Variants in DSG1 observed in about 807,000 individuals in gnomAD.
DSG1 encodes desmoglein 1.
DSG1 carries 39 observed loss-of-function variants against 97.5 expected under a neutral mutation model. That is an observed-to-expected ratio of 0.40 (90% CI 0.31 to 0.52). DSG1 has a LOEUF of 0.52. DSG1 is among the 20% of genes least tolerant of loss of function. The pLI, the probability that DSG1 is intolerant of heterozygous loss-of-function variation, is 0.53. For missense variants in DSG1, 1,311 were observed against 1,295.4 expected (o/e 1.01, Z -0.18); for synonymous variants, 475 against 443.4 (o/e 1.07, Z -0.90).
Position 31,355,376 on chromosome 18 carries a change from A to T in DSG1, c.*30A>T, listed in dbSNP as rs1259726380. 6.2e-7 allele frequency: 1 copy of T among 1,606,188 alleles called. No individual in the cohort carries two copies. The highest frequency in any genetic ancestry group is 8.5e-7 in the Non-Finnish European group (1 of 1,173,930). The stretch of plus-strand genomic sequence containing the variant: ...GACCCCAGCTCACTTTTTCATAGTC[A>T]TTGTGGTTTAGATCCAATTCCCACC... On this transcript the variant is annotated 3_prime_UTR_variant, in exon 15 of 15. Transcript: ENST00000257192.
intron 10 of DSG1, 26 bp downstream of exon 10, chr18:31,338,480 C>G (rs767477616): frequency 6.2e-7 from 1 of 1,607,560 alleles, no homozygotes; most frequent in African/African-American, 1.3e-5. Flanking sequence ...ACATTTTTAT[C>G]TTTTCTAGAG....
chr18:31,336,552 G>A lies in DSG1; in HGVS notation c.1204G>A (p.Asp402Asn). 3.1e-6 allele frequency: 5 copies of A among 1,613,996 alleles called. No homozygotes were observed. The highest frequency in any genetic ancestry group is 4.2e-6 in the Non-Finnish European group (5 of 1,179,924). ...TGTAACTGGTAATATGGGATCAAATGATAAAGTGGGAGACTTTGTAGCTAC... is the reference window on the plus strand; with the variant it reads ...TGTAACTGGTAATATGGGATCAAATAATAAAGTGGGAGACTTTGTAGCTAC... ...YVVTGNMGSN[D>N]KVGDFVATDL... Residue 402 changes from aspartate to asparagine, a missense_variant, in exon 9 of 15, where the codon GAT becomes AAT. Around this residue, in one of 3 missense-constraint regions of DSG1, gnomAD observed 1,038 missense variants for 964.6 expected, o/e 1.08. Coordinates refer to ENST00000257192, the MANE Select transcript of DSG1 (RefSeq NM_001942.4).
intron 10 of DSG1, 126 bp downstream of exon 10, chr18:31,338,580 T>C (rs1240472856): frequency 4.3e-6 from 4 of 940,542 alleles, no homozygotes; most frequent in Admixed American, 2.1e-5. Context: ...CTGGGCATTA[T>C]AGACTCATAT....
chr18:31,318,279 G>T lies in DSG1; in HGVS notation c.-22G>T, dbSNP rs200244470. The T allele has an allele frequency of 6.2e-7, 1 of 1,609,654 alleles. No individual in the cohort carries two copies. Among genetic ancestry groups the T allele is most frequent in the Non-Finnish European group, 8.5e-7 (1 of 1,175,956 alleles). On this transcript the variant is annotated 5_prime_UTR_variant, in exon 1 of 15. Transcript: ENST00000257192. ...AACAAACAAAACTCCCTTGGTCTTG[G>T]ATGTAAGAGAATCCAGCAGAGATGG... is the stretch of plus-strand genomic sequence containing the variant.
At chr18:31,340,668 G>A (rs2071783538) in intron 11 of DSG1, among the ~76,000 whole-genome samples, 2 of 151,958 alleles carry the variant, frequency 1.3e-5, no homozygotes, top group African/African-American at 2.4e-5. Context: ...ACAATACAAG[G>A]GGAAAAAAAT....
In DSG1 at chr18:31,355,119, G is replaced by A. The variant is rs763543873; in HGVS notation, c.2923G>A (p.Gly975Ser). 1.9e-6 allele frequency: 3 copies of A among 1,613,652 alleles called. No individual in the cohort carries two copies. The highest frequency in any genetic ancestry group is 1.7e-6 in the Non-Finnish European group (2 of 1,179,610). Residue 975 changes from glycine (G) to serine (S), a missense_variant, in exon 15 of 15, where the codon GGC becomes AGC. By Grantham distance (56) the Gly-to-Ser change is moderately conservative (BLOSUM62 0). Around this residue, in one of 3 missense-constraint regions of DSG1, gnomAD observed 1,038 missense variants for 964.6 expected, o/e 1.08. Coordinates refer to ENST00000257192, the MANE Select transcript of DSG1 (RefSeq NM_001942.4). ...CACCACTGGGATCAGCGGTGGCATAGGCAGCAGTGGCCTGGTTGGCACCAG... is the reference window on the plus strand; with the variant it reads ...CACCACTGGGATCAGCGGTGGCATAAGCAGCAGTGGCCTGGTTGGCACCAG... ...SGTTGISGGI[G>S]SSGLVGTSMG...
chr18:31,338,459 G>T lies in DSG1; in HGVS notation c.1405+5G>T, dbSNP rs1198719646. On this transcript the variant is annotated splice_donor_5th_base_variant and intron_variant, in intron 10 of 14. Coordinates refer to ENST00000257192, the MANE Select transcript of DSG1 (RefSeq NM_001942.4). Reference sequence around the variant, plus strand: ...GAACGATTCTCTCTATAGATGGTAAGAAATTAATTTACATTTTTATCTTTT... The same window carrying T: ...GAACGATTCTCTCTATAGATGGTAATAAATTAATTTACATTTTTATCTTTT... 6.2e-7 allele frequency: 1 copy of T among 1,612,114 alleles called. No individual in the cohort carries two copies. Among genetic ancestry groups the T allele is most frequent in the Non-Finnish European group, 8.5e-7 (1 of 1,178,448 alleles).
At chr18:31,328,129 A>G (rs940139013) in intron 3 of DSG1, 60 bp from the exon 4 acceptor site, 3 of 1,574,640 alleles carry the variant, frequency 1.9e-6, no homozygotes, top group African/African-American at 2.7e-5. Flanking sequence ...AAGCTGTCGT[A>G]TATCAAATAT....
rs144355190 is a variant in DSG1, at chr18:31,337,332, C to T, written c.1265+719C>T. Among the ~76,000 whole-genome samples the T allele has an allele frequency of 5.8e-3, 881 of 152,276 alleles. 8 individuals are homozygous for T. Among genetic ancestry groups the T allele is most frequent in the Middle Eastern group, 0.01 (3 of 294 alleles). ...AGTGCAGTGGCACGATCCCGGTTCA[C>T]TGCCACCTCTGCCTCCCGGGTTCAC... On this transcript the variant is annotated intron_variant, in intron 9 of 14. Transcript: ENST00000257192.
intron 1 of DSG1, 122 bp from the exon 2 acceptor site, chr18:31,326,459 A>T: frequency 1.3e-6 from 1 of 784,064 alleles, no homozygotes; most frequent in Non-Finnish European, 2.1e-6. Flanking sequence ...TATTTGGCTG[A>T]TAAAATAATT....
At chr18:31,320,627 C>G (rs1229682704) in intron 1 of DSG1, among the ~76,000 whole-genome samples, 1 of 152,206 alleles carries the variant, frequency 6.6e-6, no homozygotes, top group East Asian at 1.9e-4. Flanking sequence ...AGAGATTACA[C>G]CTGCTATAAC....
intron 9 of DSG1, among the ~76,000 whole-genome samples, chr18:31,337,928 A>T (rs1012431568): frequency 4.5e-4 from 68 of 152,318 alleles, no homozygotes; most frequent in African/African-American, 1.6e-3. Context: ...TGATGAAGTA[A>T]CTTCTTTGTA....
chr18:31,333,980 C>T (rs369742369), intron 7 of DSG1, 37 bp from the exon 8 acceptor site: 49 of 1,445,694 alleles, frequency 3.4e-5, no homozygotes, highest in Non-Finnish European at 9.7e-7. Context: ...CTCTCTTTCA[C>T]ACAGTTTGTG....
rs763841604 is a variant in DSG1 at position 31,354,430 on chromosome 18, A to G, written c.2234A>G (p.Asp745Gly). 16 of 1,614,056 alleles carry G rather than the reference A, an allele frequency of 9.9e-6. No homozygotes were observed. The highest frequency in any genetic ancestry group is 6.7e-5 in the African/African-American group (5 of 74,928). The change falls in exon 15 of 15, where the codon GAC (aspartate) becomes GGC (glycine). Residue 745 changes from aspartate (D) to glycine (G), a missense_variant. Physicochemically the swap from Asp to Gly is moderately conservative, Grantham distance 94. This residue lies in a region of DSG1 where 1,038 missense variants were observed against 964.6 expected (regional missense o/e 1.08). Coordinates refer to ENST00000257192, the MANE Select transcript of DSG1 (RefSeq NM_001942.4). ...CCSFIGEDLD[D>G]SFLDTLGPKF... ...AGCTTCATTGGAGAAGACCTGGATGACAGCTTCTTGGATACCCTGGGACCT... is the reference window on the plus strand; with the variant it reads ...AGCTTCATTGGAGAAGACCTGGATGGCAGCTTCTTGGATACCCTGGGACCT...
chr18:31,325,527 A>G (rs761474490), intron 1 of DSG1, among the ~76,000 whole-genome samples: 3 of 152,176 alleles, frequency 2.0e-5, no homozygotes, highest in Non-Finnish European at 2.9e-5. Flanking sequence ...CCATTTCATC[A>G]TTTCAGTTCT....
At chr18:31,354,118 A>C (rs1188309510) in intron 14 of DSG1, 179 bp from the exon 15 acceptor site, 1 of 616,484 alleles carries the variant, frequency 1.6e-6, no homozygotes, top group South Asian at 2.1e-5. Context: ...AATGATTTCT[A>C]ACCAAATTAT....
chr18:31,321,358 G>C (rs2071652693), intron 1 of DSG1, among the ~76,000 whole-genome samples: 1 of 151,998 alleles, frequency 6.6e-6, no homozygotes. Flanking sequence ...CCAAACAGAA[G>C]ACAAGCAAAA....
rs16961644 is a variant in DSG1, at chr18:31,328,579, T to C, written c.372+235T>C. Among the ~76,000 whole-genome samples the C allele has an allele frequency of 0.056, 8,549 of 152,232 alleles. 373 individuals carry two copies. The highest frequency in any genetic ancestry group is 0.13 in the South Asian group (627 of 4,824). Reference sequence around the variant, plus strand: ...CTCTATACTGTCCTCATTGGCAAACTAGAGTATTTGTTTGGAAGGACAATT... The same window carrying C: ...CTCTATACTGTCCTCATTGGCAAACCAGAGTATTTGTTTGGAAGGACAATT... On this transcript the variant is annotated intron_variant, in intron 4 of 14. Coordinates refer to ENST00000257192, the MANE Select transcript of DSG1 (RefSeq NM_001942.4).
intron 3 of DSG1, 54 bp downstream of exon 3, chr18:31,327,059 A>G (rs2144087984): frequency 6.2e-7 from 1 of 1,602,544 alleles, no homozygotes; most frequent in African/African-American, 1.3e-5. Flanking sequence ...TAAAGTTTCA[A>G]AAGAAACTGT....
Sources: gnomAD v4.1 joint callset for allele counts (sites outside exome capture counted in the v4.1 genomes callset) on GRCh38, gnomAD v4.1.1 for gene constraint, gnomAD v4.1.1 regional missense constraint, MANE v1.5 for transcripts, NCBI Gene and HGNC (gene_info 2026-07-23, HGNC 2026-07-21) for gene names.